DCAF8L2: variants seen among roughly 807,000 people sequenced by gnomAD.
The protein encoded by DCAF8L2 is DDB1- and CUL4-associated factor 8-like protein 2.
For synonymous variants in DCAF8L2, 200 were observed against 190.9 expected (o/e 1.05, Z -0.39); for missense variants, 430 against 490.7 (o/e 0.88, Z 1.17).
At chrX:27,743,776 A>AG (rs201472795) in intron 4 of DCAF8L2, among the ~76,000 whole-genome samples, 4,106 of 105,276 alleles carry the variant, frequency 0.039, 255 homozygotes, top group African/African-American at 0.14. Flanking sequence ...TGTGTCGCCC[A>AG]GGCTGGAGTG....
At chrX:27,672,791 C>G (rs1314009914) in intron 2 of DCAF8L2, among the ~76,000 whole-genome samples, 1 of 112,306 alleles carries the variant, frequency 8.9e-6, no homozygotes, top group African/African-American at 3.2e-5. Context: ...AAGTGTAATT[C>G]ACAGTTATTT....
At chrX:27,488,109 T>C in the DCAF8L2 span, among the ~76,000 whole-genome samples, 1 of 112,107 alleles carries the variant, frequency 8.9e-6, no homozygotes, top group Non-Finnish European at 1.9e-5. Flanking sequence ...CTTATTTCCA[T>C]TGGCAATGTG....
chrX:27,699,109 G>T (rs1210708049), intron 3 of DCAF8L2, among the ~76,000 whole-genome samples: 1 of 111,668 alleles, frequency 9.0e-6, no homozygotes, highest in Non-Finnish European at 1.9e-5. Flanking sequence ...AGCAAAGCAA[G>T]AAATGTTTTG....
At chrX:27,685,249 G>A (rs1360923873) in intron 3 of DCAF8L2, among the ~76,000 whole-genome samples, 1 of 111,998 alleles carries the variant, frequency 8.9e-6, no homozygotes, top group African/African-American at 3.2e-5. Flanking sequence ...AAGTGACAAA[G>A]AAGTTTGATA....
chrX:27,686,268 A>G (rs1380241291), intron 3 of DCAF8L2, among the ~76,000 whole-genome samples: 1 of 111,719 alleles, frequency 9.0e-6, no homozygotes, highest in Non-Finnish European at 1.9e-5. Flanking sequence ...AGTACATCAA[A>G]GAGATATTTG....
the DCAF8L2 span, among the ~76,000 whole-genome samples, chrX:27,488,220 T>C: frequency 9.0e-6 from 1 of 111,272 alleles, no homozygotes; most frequent in Non-Finnish European, 1.9e-5. Flanking sequence ...CATGGCATTT[T>C]ACCTTGCATT....
chrX:27,512,997 A>C, the DCAF8L2 span, among the ~76,000 whole-genome samples: 1 of 110,863 alleles, frequency 9.0e-6, no homozygotes, highest in African/African-American at 3.3e-5. Context: ...ATGGAGGAAA[A>C]GACAGTCTCT....
the DCAF8L2 span, among the ~76,000 whole-genome samples, chrX:27,528,269 C>T: frequency 9.3e-6 from 1 of 106,995 alleles, no homozygotes; most frequent in African/African-American, 3.4e-5. Context: ...TATTATTCAC[C>T]TTAGCATATT....
intron 4 of DCAF8L2, among the ~76,000 whole-genome samples, chrX:27,718,852 G>T (rs912975065): frequency 9.0e-6 from 1 of 111,308 alleles, no homozygotes; most frequent in Non-Finnish European, 1.9e-5. Flanking sequence ...AACACCATTG[G>T]CTCTTCTGGG....
intron 4 of DCAF8L2, among the ~76,000 whole-genome samples, chrX:27,735,790 C>T (rs112686823): frequency 3.6e-5 from 4 of 111,732 alleles, no homozygotes; most frequent in African/African-American, 1.3e-4. Flanking sequence ...ATAGCATCCA[C>T]TGTGTAGCAG....
intron 3 of DCAF8L2, among the ~76,000 whole-genome samples, chrX:27,704,179 T>TATATATATATAA (rs756313953): frequency 1.2e-5 from 1 of 85,547 alleles, no homozygotes; most frequent in African/African-American, 4.8e-5. Flanking sequence ...TATATACATA[T>TATATATATATAA]ACACACACAC....
chrX:27,512,536 T>C, the DCAF8L2 span, among the ~76,000 whole-genome samples: 1,390 of 105,916 alleles, frequency 0.013, 14 homozygotes, highest in Middle Eastern at 0.024. Flanking sequence ...ATACAAAAAT[T>C]AGCTGGGTGT....
At chrX:27,717,500 T>A (rs192128160) in intron 4 of DCAF8L2, among the ~76,000 whole-genome samples, 2 of 112,871 alleles carry the variant, frequency 1.8e-5, no homozygotes, top group Non-Finnish European at 3.7e-5. Flanking sequence ...TGAGCTTTTT[T>A]TCATATGTTT....
intron 3 of DCAF8L2, among the ~76,000 whole-genome samples, chrX:27,714,605 G>C (rs1445896264): frequency 3.6e-5 from 4 of 111,960 alleles, no homozygotes; most frequent in African/African-American, 1.3e-4. Flanking sequence ...TATTTTGGTG[G>C]ATTACTTCTA....
rs200718182 is a variant in DCAF8L2 at position 27,606,358 on chromosome X, A to AATATATATAT, written c.-342+15933_-342+15942dup. On this transcript the variant is annotated intron_variant, in intron 1 of 4. Transcript: ENST00000451261. Reference sequence around the variant, plus strand: ...TATAGGAATTATATATATATCTAGGAATATATATATATATATATATATATT... The same window carrying AATATATATAT: ...TATAGGAATTATATATATATCTAGGAATATATATATATATATATATATATATATATATATT... Among the ~76,000 whole-genome samples, 216 of 39,736 alleles carry AATATATATAT rather than the reference A, an allele frequency of 5.4e-3. 14 individuals carry two copies. The highest frequency in any genetic ancestry group is 0.034 in the African/African-American group (185 of 5,388). The allele number at this position is 39,736 out of a possible 115,157, so 34.5% of individuals were successfully genotyped here. A position where few individuals can be genotyped will look rare whatever the true frequency, so the allele number is the denominator to read the frequency against.
At chrX:27,698,726 C>CT (rs200638827) in intron 3 of DCAF8L2, among the ~76,000 whole-genome samples, 2 of 111,635 alleles carry the variant, frequency 1.8e-5, no homozygotes, top group Admixed American at 9.6e-5. Context: ...CACCGTCTGA[C>CT]TTTTAAAAAA....
At chrX:27,495,624 G>A in the DCAF8L2 span, among the ~76,000 whole-genome samples, 2 of 111,793 alleles carry the variant, frequency 1.8e-5, no homozygotes, top group Non-Finnish European at 3.8e-5. Context: ...AGGACATGCA[G>A]CGGTTTCTCT....
chrX:27,479,609 T>C, the DCAF8L2 span, among the ~76,000 whole-genome samples: 33 of 112,323 alleles, frequency 2.9e-4, no homozygotes, highest in African/African-American at 1.0e-3. Context: ...GGAATTTGTA[T>C]ATAATTCCAG....
the DCAF8L2 span, among the ~76,000 whole-genome samples, chrX:27,471,222 T>C: frequency 2.7e-5 from 3 of 112,318 alleles, no homozygotes; most frequent in Non-Finnish European, 5.6e-5. Context: ...TTTGAATTTT[T>C]GTGGTTCAAG....
Sources: allele counts gnomAD v4.1 joint callset (sites outside exome capture counted in the v4.1 genomes callset), GRCh38; gene constraint gnomAD v4.1.1; transcripts MANE v1.5; gene names NCBI Gene and HGNC (gene_info 2026-07-23, HGNC 2026-07-21).